The following LRRC28 variants were observed in gnomAD, a reference collection of about 807,000 sequenced individuals.
The protein encoded by LRRC28 is leucine-rich repeat-containing protein 28.
LRRC28 carries 39 observed loss-of-function variants against 45.7 expected under a neutral mutation model. The observed-to-expected ratio is 0.85, with a 90% CI of 0.66 to 1.12. The LOEUF is 1.12. Ranked by LOEUF, LRRC28 falls within the 50% of genes most tolerant of loss-of-function variation. LRRC28 has a pLI of 0.00. For missense variants in LRRC28, 435 were observed against 438.5 expected (o/e 0.99, Z 0.07); for synonymous variants, 206 against 178.8 (o/e 1.15, Z -1.22).
chr15:99,361,836 A>G (rs59136665), intron 8 of LRRC28, among the ~76,000 whole-genome samples: 23,710 of 152,234 alleles, frequency 0.16, 1,894 homozygotes, highest in African/African-American at 0.17. Flanking sequence ...TAAAAGTTCA[A>G]GTTTCAAGTA....
chr15:99,366,029 T>TG (rs1957331840), intron 9 of LRRC28, among the ~76,000 whole-genome samples: 1 of 152,246 alleles, frequency 6.6e-6, no homozygotes, highest in Non-Finnish European at 1.5e-5. Context: ...TGTATGGGTC[T>TG]TACAAGTTCC....
At chr15:99,296,766 CA>C (rs2082274472) in intron 5 of LRRC28, among the ~76,000 whole-genome samples, 1 of 152,048 alleles carries the variant, frequency 6.6e-6, no homozygotes, top group African/African-American at 2.4e-5. Context: ...AGAAGGAAAA[CA>C]AAATCTGGAC....
intron 3 of LRRC28, among the ~76,000 whole-genome samples, chr15:99,283,703 A>C (rs1175553411): frequency 1.3e-5 from 2 of 151,854 alleles, no homozygotes; most frequent in African/African-American, 4.8e-5. Flanking sequence ...AGTAAACATC[A>C]TATTTAACAT....
At chr15:99,372,149 T>C (rs944201256) in intron 9 of LRRC28, among the ~76,000 whole-genome samples, 1 of 152,208 alleles carries the variant, frequency 6.6e-6, no homozygotes, top group African/African-American at 2.4e-5. Context: ...ATATATGCTT[T>C]GTGTTTTTAA....
chr15:99,263,454 G>A lies in LRRC28; in HGVS notation c.168+7329G>A, dbSNP rs576588552. On this transcript the variant is annotated intron_variant, in intron 2 of 9. Coordinates refer to ENST00000301981, the MANE Select transcript of LRRC28 (RefSeq NM_144598.5). ...GGAATTAAGTCTGATCTTTGTGATC[G>A]TTTTAAGATAAATAGATATTAGAAG... Among the ~76,000 whole-genome samples, 36 of 152,038 alleles carry A rather than the reference G, an allele frequency of 2.4e-4. No individual in the cohort carries two copies. The South Asian group carries it at 2.7e-3, about 11-fold the overall frequency.
At chr15:99,311,661 G>A (rs1955416802) in intron 5 of LRRC28, among the ~76,000 whole-genome samples, 1 of 152,140 alleles carries the variant, frequency 6.6e-6, no homozygotes, top group Admixed American at 6.5e-5. Flanking sequence ...TGCAAGTTCA[G>A]AATGATTTAA....
At chr15:99,279,273 A>G (rs2081711312) in intron 3 of LRRC28, among the ~76,000 whole-genome samples, 1 of 152,264 alleles carries the variant, frequency 6.6e-6, no homozygotes, top group African/African-American at 2.4e-5. Flanking sequence ...TTGAATAGAT[A>G]CATGACTTTT....
intron 9 of LRRC28, among the ~76,000 whole-genome samples, chr15:99,385,732 T>C (rs1597485987): frequency 6.6e-6 from 1 of 151,552 alleles, no homozygotes; most frequent in South Asian, 2.1e-4. Flanking sequence ...AAACGTAATG[T>C]GGAAAAGGCA....
intron 5 of LRRC28, among the ~76,000 whole-genome samples, chr15:99,294,116 T>A (rs1483380785): frequency 1.3e-5 from 2 of 152,218 alleles, no homozygotes; most frequent in Non-Finnish European, 2.9e-5. Context: ...TTTAATCTTT[T>A]ATCTTTATCT....
At chr15:99,273,459 G>C (rs2081536504) in intron 2 of LRRC28, among the ~76,000 whole-genome samples, 1 of 152,096 alleles carries the variant, frequency 6.6e-6, no homozygotes, top group Non-Finnish European at 1.5e-5. Context: ...GGATGGTCTT[G>C]ATCTGCTGAC....
At chr15:99,272,900 C>T (rs2081518962) in intron 2 of LRRC28, among the ~76,000 whole-genome samples, 1 of 152,068 alleles carries the variant, frequency 6.6e-6, no homozygotes, top group South Asian at 2.1e-4. Flanking sequence ...AATTTAAAAA[C>T]ATTAAAAAAC....
chr15:99,351,157 T>C (rs1956865453), intron 6 of LRRC28, among the ~76,000 whole-genome samples: 1 of 152,084 alleles, frequency 6.6e-6, no homozygotes, highest in African/African-American at 2.4e-5. Flanking sequence ...TGCTCAGGAC[T>C]CTGTTGTGTA....
intron 9 of LRRC28, among the ~76,000 whole-genome samples, chr15:99,371,325 C>T (rs1363877348): frequency 6.6e-6 from 1 of 152,120 alleles, no homozygotes; most frequent in African/African-American, 2.4e-5. Context: ...TAGCTTGGTT[C>T]TTTCAGGAAT....
At chr15:99,382,618 T>G (rs2152561564) in intron 9 of LRRC28, among the ~76,000 whole-genome samples, 1 of 152,352 alleles carries the variant, frequency 6.6e-6, no homozygotes, top group South Asian at 2.1e-4. Context: ...TGATATCTTT[T>G]AAATTTTTTA....
chr15:99,364,877 T>C (rs1957299458), intron 9 of LRRC28, among the ~76,000 whole-genome samples: 1 of 152,228 alleles, frequency 6.6e-6, no homozygotes, highest in Non-Finnish European at 1.5e-5. Context: ...TTATTTTTGC[T>C]GTGTTTTTAG....
At chr15:99,255,644 AC>A (rs1019392217) in intron 1 of LRRC28, among the ~76,000 whole-genome samples, 10 of 152,236 alleles carry the variant, frequency 6.6e-5, no homozygotes, top group African/African-American at 2.4e-4. Flanking sequence ...AAGTGCAAAA[AC>A]TATTTTTTTC....
At chr15:99,359,445 G>T (rs535302839) in intron 7 of LRRC28, among the ~76,000 whole-genome samples, 1 of 152,304 alleles carries the variant, frequency 6.6e-6, no homozygotes, top group East Asian at 1.9e-4. Context: ...AACAAAAGGT[G>T]ATCAAACTCA....
At chr15:99,365,402 G>A (rs1957312798) in intron 9 of LRRC28, among the ~76,000 whole-genome samples, 1 of 152,230 alleles carries the variant, frequency 6.6e-6, no homozygotes, top group Admixed American at 6.5e-5. Context: ...GCTTTCTGTG[G>A]GAAGTTAATG....
intron 5 of LRRC28, among the ~76,000 whole-genome samples, chr15:99,330,364 G>A (rs890177764): frequency 1.3e-5 from 2 of 152,086 alleles, no homozygotes; most frequent in African/African-American, 2.4e-5. Context: ...ATGTTGAAAT[G>A]TCTGCTTTCC....
Sources: gnomAD v4.1 joint callset for allele counts (sites outside exome capture counted in the v4.1 genomes callset) on GRCh38, gnomAD v4.1.1 for gene constraint, MANE v1.5 for transcripts, NCBI Gene and HGNC (gene_info 2026-07-23, HGNC 2026-07-21) for gene names.